AP4E1: variants seen among roughly 807,000 people sequenced by gnomAD.
The protein encoded by AP4E1 is adaptor related protein complex 4 subunit epsilon 1.
AP4E1 carries 56 observed loss-of-function variants against 128.2 expected under a neutral mutation model. The ratio of observed to expected loss-of-function variants is 0.44; its 90% CI spans 0.35 to 0.55. The LOEUF is 0.55. AP4E1 is among the 20% of genes least tolerant of loss of function. The pLI is 0.00. For missense variants in AP4E1, 1,324 were observed against 1,307.7 expected (o/e 1.01, Z -0.19); for synonymous variants, 484 against 473.1 (o/e 1.02, Z -0.30).
intron 10 of AP4E1, chr15:50,945,548 A>G: frequency 1.3e-6 from 1 of 741,052 alleles, no homozygotes; most frequent in Non-Finnish European, 2.5e-6. Flanking sequence ...ACTGGGAAAG[A>G]GCTTGTGTCT....
intron 15 of AP4E1, among the ~76,000 whole-genome samples, chr15:50,976,891 A>G (rs1166000120): frequency 6.6e-6 from 1 of 152,202 alleles, no homozygotes; most frequent in African/African-American, 2.4e-5. Flanking sequence ...ATAAATGGAA[A>G]TACATCCTGT....
At chr15:50,949,636 G>T (rs890650072) in intron 11 of AP4E1, among the ~76,000 whole-genome samples, 190 bp from the exon 12 acceptor site, 1 of 152,054 alleles carries the variant, frequency 6.6e-6, no homozygotes, top group African/African-American at 2.4e-5. Context: ...AGTTTATTAA[G>T]TTTATTAAAT....
rs28765454 is a variant in AP4E1 at position 50,954,939 on chromosome 15, C to T, written c.1549-3553C>T. Among the ~76,000 whole-genome samples, 720 of 152,186 alleles carry T rather than the reference C, an allele frequency of 4.7e-3. 10 individuals carry two copies. Among genetic ancestry groups the T allele is most frequent in the African/African-American group, 0.017 (695 of 41,496 alleles). ...ATTCCCACCTATGAGTGAGAACATG[C>T]GGTGTTTGGTTTTCTGTCCTTGTGA... On this transcript the variant is annotated intron_variant, in intron 13 of 20. Coordinates refer to ENST00000261842, the MANE Select transcript of AP4E1 (RefSeq NM_007347.5).
chr15:50,988,094 G>A (rs2064753625), intron 16 of AP4E1, among the ~76,000 whole-genome samples: 1 of 152,030 alleles, frequency 6.6e-6, no homozygotes, highest in Non-Finnish European at 1.5e-5. Flanking sequence ...TAGATATAGA[G>A]GTGAACATAA....
At chr15:50,929,604 T>C (rs1431803597) in intron 6 of AP4E1, among the ~76,000 whole-genome samples, 1 of 152,176 alleles carries the variant, frequency 6.6e-6, no homozygotes. Context: ...TTGAATGTTA[T>C]GGTAAAACAC....
rs527896389 is a variant in AP4E1 at position 50,931,514 on chromosome 15, C to T, written c.869+543C>T. ...CCAGGAGGTGTAGGTTGCAGTGAGC[C>T]GAGATTGTGCCACTGCACTCCAGCC... is the stretch of plus-strand genomic sequence containing the variant. On this transcript the variant is annotated intron_variant, in intron 7 of 20. Coordinates refer to ENST00000261842, the MANE Select transcript of AP4E1 (RefSeq NM_007347.5). Among the ~76,000 whole-genome samples, 5 of 151,996 alleles carry T rather than the reference C, an allele frequency of 3.3e-5. No homozygotes were observed. In the South Asian group the frequency reaches 6.3e-4, roughly 19 times the overall value.
intron 8 of AP4E1, among the ~76,000 whole-genome samples, chr15:50,939,824 A>G (rs1361906395): frequency 2.0e-5 from 3 of 152,196 alleles, no homozygotes; most frequent in African/African-American, 7.2e-5. Context: ...AAAATGGAAT[A>G]TCATCATTTG....
In AP4E1 at chr15:50,997,360, G is replaced by A. The variant is rs1567266206; in HGVS notation, c.2381G>A (p.Arg794Lys). The A allele has an allele frequency of 6.2e-7, 1 of 1,603,418 alleles. No homozygotes were observed. The change falls in exon 18 of 21, where the codon AGA becomes AAA. Residue 794 changes from arginine to lysine, a missense_variant. Arg to Lys is a conservative substitution (Grantham distance 26). Coordinates refer to ENST00000261842, the MANE Select transcript of AP4E1 (RefSeq NM_007347.5). ...GKADTVSHKF[R>K]RKSKVKEAKS... is the part of the protein sequence containing the mutation. ...GCAGATACTGTCTCTCACAAGTTCA[G>A]AAGGAAATCAAAAGTCAAAGAAGCT...
chr15:50,925,987 C>T (rs897215461), intron 5 of AP4E1, among the ~76,000 whole-genome samples: 2 of 151,866 alleles, frequency 1.3e-5, no homozygotes, highest in African/African-American at 4.8e-5. Flanking sequence ...CAGAATGTTT[C>T]CAAGCTTAAT....
At chr15:50,994,232 A>C (rs1486564347) in intron 17 of AP4E1, among the ~76,000 whole-genome samples, 1 of 152,244 alleles carries the variant, frequency 6.6e-6, no homozygotes, top group African/African-American at 2.4e-5. Context: ...AACTTTTTAT[A>C]CTGAGAAATT....
At chr15:50,988,766 T>C (rs1018770130) in intron 16 of AP4E1, among the ~76,000 whole-genome samples, 1 of 152,146 alleles carries the variant, frequency 6.6e-6, no homozygotes, top group African/African-American at 2.4e-5. Flanking sequence ...AGCCAAAAAA[T>C]CATTAAATTG....
chr15:50,974,192 C>G (rs980858607), intron 15 of AP4E1, among the ~76,000 whole-genome samples: 5 of 151,872 alleles, frequency 3.3e-5, no homozygotes, highest in African/African-American at 9.7e-5. Context: ...TCTCAAACTC[C>G]TGACTTCAAG....
intron 1 of AP4E1, among the ~76,000 whole-genome samples, chr15:50,910,402 A>G (rs534182122): frequency 1.3e-5 from 2 of 152,364 alleles, no homozygotes; most frequent in South Asian, 2.1e-4. Context: ...TGTTTATGGA[A>G]CAAGGTTATG....
intron 1 of AP4E1, among the ~76,000 whole-genome samples, chr15:50,910,913 T>C (rs2063559839): frequency 6.6e-6 from 1 of 152,152 alleles, no homozygotes; most frequent in Non-Finnish European, 1.5e-5. Flanking sequence ...GCCTTGGCCT[T>C]GGCCTCCCAA....
Position 50,989,845 on chromosome 15 carries a change from G to T in AP4E1, c.2091-3525G>T, listed in dbSNP as rs189479838. Among the ~76,000 whole-genome samples the T allele has an allele frequency of 2.6e-5, 4 of 152,246 alleles. No homozygotes were observed. In the East Asian group the frequency reaches 5.8e-4, roughly 22 times the overall value. ...AAGGAATTATATAATATATCCTGCA[G>T]TATTGTGAAATGGAAGATAAGGGAT... On this transcript the variant is annotated intron_variant, in intron 16 of 20. Transcript: ENST00000261842.
chr15:50,948,307 A>C (rs1279562285), intron 11 of AP4E1, 148 bp downstream of exon 11: 1 of 1,035,432 alleles, frequency 9.7e-7, no homozygotes, highest in Non-Finnish European at 1.4e-6. Flanking sequence ...CTTGTCAGAA[A>C]AAGGGATTTG....
chr15:50,967,447 A>G (rs1453513955), intron 14 of AP4E1, among the ~76,000 whole-genome samples: 1 of 152,202 alleles, frequency 6.6e-6, no homozygotes, highest in African/African-American at 2.4e-5. Context: ...CAAATCAAGG[A>G]ATGTTGGCAG....
At position 51,002,865 on chromosome 15, in the gene AP4E1, G is replaced by A. The variant is rs1190573709; in HGVS notation, c.*203G>A. ...CCTTTAACTCAGGATTGTACAGTATGTTTAGGTCCCTCAAAAAGTGACCTA... is the reference window on the plus strand; with the variant it reads ...CCTTTAACTCAGGATTGTACAGTATATTTAGGTCCCTCAAAAAGTGACCTA... On this transcript the variant is annotated 3_prime_UTR_variant, in exon 21 of 21. Coordinates refer to ENST00000261842, the MANE Select transcript of AP4E1 (RefSeq NM_007347.5). 1 of 613,956 alleles carries A rather than the reference G, an allele frequency of 1.6e-6. No homozygotes were observed. The highest frequency in any genetic ancestry group is 2.8e-6 in the Non-Finnish European group (1 of 361,026). The allele number at this position is 613,956 out of a possible 1,614,324, so 38.0% of individuals were successfully genotyped here.
intron 15 of AP4E1, among the ~76,000 whole-genome samples, chr15:50,980,804 G>T (rs909881911): frequency 6.6e-6 from 1 of 152,170 alleles, no homozygotes; most frequent in Non-Finnish European, 1.5e-5. Flanking sequence ...TTGGGCCCAG[G>T]TGTGGCTTGA....
Sources: gnomAD v4.1 joint callset for allele counts (sites outside exome capture counted in the v4.1 genomes callset) on GRCh38, gnomAD v4.1.1 for gene constraint, MANE v1.5 for transcripts, NCBI Gene and HGNC (gene_info 2026-07-23, HGNC 2026-07-21) for gene names.